ADAM23: variants seen among roughly 807,000 people sequenced by gnomAD.
The protein encoded by ADAM23 is ADAM metallopeptidase domain 23, also known as disintegrin and metalloproteinase domain-containing protein 23.
ADAM23 carries 33 observed loss-of-function variants against 120.1 expected under a neutral mutation model. The ratio of observed to expected loss-of-function variants is 0.27; its 90% CI spans 0.21 to 0.37. The LOEUF (loss-of-function observed/expected upper bound fraction) is 0.37. Among genes scored for constraint, ADAM23 ranks in the 10% least tolerant of loss-of-function variants. ADAM23 has a pLI of 1.00. For missense variants in ADAM23, 862 were observed against 1,058.2 expected (o/e 0.81, Z 2.57); for synonymous variants, 367 against 375.2 (o/e 0.98, Z 0.25).
At chr2:206,577,218 A>G (rs1698131598) in intron 18 of ADAM23, among the ~76,000 whole-genome samples, 1 of 151,822 alleles carries the variant, frequency 6.6e-6, no homozygotes, top group African/African-American at 2.4e-5. Flanking sequence ...GAAATCTCAC[A>G]TGTGGCTATG....
intron 21 of ADAM23, among the ~76,000 whole-genome samples, chr2:206,589,967 G>T (rs1372005535): frequency 6.6e-6 from 1 of 151,550 alleles, no homozygotes; most frequent in Admixed American, 6.6e-5. Context: ...AGTAACATTT[G>T]ATTTAATCAG....
intron 6 of ADAM23, among the ~76,000 whole-genome samples, chr2:206,543,999 A>G (rs1218228347): frequency 1.3e-5 from 2 of 152,200 alleles, no homozygotes; most frequent in Non-Finnish European, 2.9e-5. Context: ...GTGGTGAGTG[A>G]TAAAACACAT....
intron 2 of ADAM23, among the ~76,000 whole-genome samples, chr2:206,467,255 G>A (rs1398052897): frequency 2.0e-5 from 3 of 152,176 alleles, no homozygotes. Flanking sequence ...TAACTCAGAA[G>A]TCCAAAGTCT....
At chr2:206,544,648 T>C (rs1697359204) in intron 6 of ADAM23, among the ~76,000 whole-genome samples, 1 of 151,574 alleles carries the variant, frequency 6.6e-6, no homozygotes, top group Non-Finnish European at 1.5e-5. Flanking sequence ...AGTCTCGCTC[T>C]TTCGCCTAGG....
At chr2:206,608,169 A>G (rs1574564228) in intron 24 of ADAM23, among the ~76,000 whole-genome samples, 1 of 152,376 alleles carries the variant, frequency 6.6e-6, no homozygotes, top group South Asian at 2.1e-4. Flanking sequence ...TTCAGCCTAC[A>G]GGGTTGTCTG....
chr2:206,490,309 G>T (rs1381974825), intron 3 of ADAM23, among the ~76,000 whole-genome samples: 1 of 152,150 alleles, frequency 6.6e-6, no homozygotes, highest in Non-Finnish European at 1.5e-5. Context: ...ACCAGTCTGT[G>T]GTACTTTGTG....
intron 3 of ADAM23, among the ~76,000 whole-genome samples, chr2:206,520,330 A>C (rs1316145720): frequency 1.3e-5 from 2 of 152,210 alleles, no homozygotes; most frequent in Non-Finnish European, 2.9e-5. Flanking sequence ...AAGAGAGCAC[A>C]CAAAAGACAA....
At chr2:206,518,084 T>C (rs936097924) in intron 3 of ADAM23, among the ~76,000 whole-genome samples, 8 of 152,322 alleles carry the variant, frequency 5.3e-5, no homozygotes, top group South Asian at 2.1e-4. Flanking sequence ...TAATGAAAGT[T>C]GTCTGGCTGC....
intron 4 of ADAM23, among the ~76,000 whole-genome samples, chr2:206,541,256 G>A (rs904228156): frequency 3.9e-5 from 6 of 152,062 alleles, no homozygotes; most frequent in African/African-American, 1.4e-4. Context: ...TAAAAATGGA[G>A]CAAGAATGAA....
At chr2:206,445,649 A>G (rs1695068484) in intron 2 of ADAM23, 125 bp downstream of exon 2, 1 of 773,964 alleles carries the variant, frequency 1.3e-6, no homozygotes, top group Non-Finnish European at 2.1e-6. Context: ...AATTAATATT[A>G]TGATAGGGGA....
At position 206,550,085 on chromosome 2, in the gene ADAM23, T is replaced by C. The variant is rs1272628350; in HGVS notation, c.868-10T>C. ...TCACTATTCTGACCATATATTTTTATTTTCCGTAGCCATCACGTGGTATAT... is the reference window on the plus strand; with the variant it reads ...TCACTATTCTGACCATATATTTTTACTTTCCGTAGCCATCACGTGGTATAT... On this transcript the variant is annotated splice_polypyrimidine_tract_variant and intron_variant, in intron 8 of 25. Coordinates refer to ENST00000264377, the MANE Select transcript of ADAM23 (RefSeq NM_003812.4). The C allele has an allele frequency of 1.3e-6, 2 of 1,538,154 alleles. No homozygotes were observed. Among genetic ancestry groups the C allele is most frequent in the Non-Finnish European group, 1.8e-6 (2 of 1,116,946 alleles).
chr2:206,547,725 G>A (rs1283526405), intron 7 of ADAM23, among the ~76,000 whole-genome samples: 1 of 152,152 alleles, frequency 6.6e-6, no homozygotes, highest in Non-Finnish European at 1.5e-5. Flanking sequence ...GCTGCCTTGG[G>A]AACCAGAAAG....
chr2:206,445,600 G>A, intron 2 of ADAM23, 76 bp downstream of exon 2: 1 of 1,314,810 alleles, frequency 7.6e-7, no homozygotes, highest in Non-Finnish European at 1.1e-6. Context: ...GCCAGAATCT[G>A]AGTTCACAAA....
chr2:206,445,162 ACTT>A, intron 1 of ADAM23, 142 bp from the exon 2 acceptor site: 1 of 644,740 alleles, frequency 1.6e-6, no homozygotes, highest in Non-Finnish European at 2.7e-6. Flanking sequence ...CTCTAGCTCT[ACTT>A]CTTAACTGCT....
At position 206,548,261 on chromosome 2, in the gene ADAM23, C is replaced by A. The variant is rs1367377354; in HGVS notation, c.794-20C>A. 6.2e-7 allele frequency: 1 copy of A among 1,606,706 alleles called. No homozygotes were observed. The highest frequency in any genetic ancestry group is 1.3e-5 in the African/African-American group (1 of 74,738). On this transcript the variant is annotated intron_variant, in intron 7 of 25. Transcript: ENST00000264377. ...TTGAAATAAGCATAAAATTTTGATA[C>A]TAATTTTTCCTTTCTGCAGCTATGG... is the stretch of plus-strand genomic sequence containing the variant.
chr2:206,443,909 G>A lies in ADAM23; in HGVS notation c.43G>A (p.Gly15Ser). Residue 15 changes from glycine (G) to serine (S), a missense_variant, in exon 1 of 26, where the codon GGC (glycine) becomes AGC (serine). By Grantham distance (56) the Gly-to-Ser change is moderately conservative. This residue lies in a region of ADAM23 where 225 missense variants were observed against 204.0 expected (regional missense o/e 1.10). Coordinates refer to ENST00000264377, the MANE Select transcript of ADAM23 (RefSeq NM_003812.4). ...CAGCTCGCGGCAGCCGCCCCTGGCG[G>A]GCTGCAGCCTTGCCGGCGCTTCCTG... is the stretch of plus-strand genomic sequence containing the variant. ...GSSSRQPPLAGCSLAGASCGP... is the reference protein window; with the variant it reads ...GSSSRQPPLASCSLAGASCGP... 1 of 1,204,672 alleles carries A rather than the reference G, an allele frequency of 8.3e-7. No homozygotes were observed. 74.6% of individuals were successfully genotyped at this position (1,204,672 alleles called of 1,614,324 possible). A position where few individuals can be genotyped will look rare whatever the true frequency, so the allele number is the denominator to read the frequency against.
At chr2:206,463,229 A>G (rs1476378548) in intron 2 of ADAM23, among the ~76,000 whole-genome samples, 1 of 152,232 alleles carries the variant, frequency 6.6e-6, no homozygotes, top group Admixed American at 6.5e-5. Flanking sequence ...ATGGGAGTAT[A>G]TCCTGGATTA....
intron 3 of ADAM23, among the ~76,000 whole-genome samples, chr2:206,496,788 A>G (rs1410902872): frequency 6.6e-6 from 1 of 152,216 alleles, no homozygotes; most frequent in Non-Finnish European, 1.5e-5. Context: ...GAGAAGAATC[A>G]AATAGACACA....
Position 206,577,807 on chromosome 2 carries a change from T to C in ADAM23, c.1737+4612T>C, listed in dbSNP as rs1454610943. ...ATGGGATGGCTTGGTCAAATGGTATTTCTAGTTCTAGATCCCTGAGGAATC... is the reference window on the plus strand; with the variant it reads ...ATGGGATGGCTTGGTCAAATGGTATCTCTAGTTCTAGATCCCTGAGGAATC... On this transcript the variant is annotated intron_variant, in intron 18 of 25. Transcript: ENST00000264377. 2.6e-5 allele frequency among the ~76,000 whole-genome samples: 4 copies of C among 151,898 alleles called. No individual in the cohort carries two copies. The East Asian group carries it at 7.8e-4, about 30-fold the overall frequency.
Sources: gnomAD v4.1 joint callset for allele counts (sites outside exome capture counted in the v4.1 genomes callset) on GRCh38, gnomAD v4.1.1 for gene constraint, gnomAD v4.1.1 regional missense constraint, MANE v1.5 for transcripts, NCBI Gene and HGNC (gene_info 2026-07-23, HGNC 2026-07-21) for gene names.